KIF5B: variants seen among roughly 807,000 people sequenced by gnomAD.
The protein encoded by KIF5B is kinesin family member 5B.
Under a neutral mutation model 132.8 loss-of-function variants are expected in KIF5B, and 49 were observed. That is an observed-to-expected ratio of 0.37 (90% confidence interval 0.29 to 0.47). The LOEUF is 0.47. Ranked by LOEUF, KIF5B falls within the 20% of genes least tolerant of loss-of-function variation. The pLI, the probability that KIF5B is intolerant of heterozygous loss-of-function variation, is 1.00. For synonymous variants in KIF5B, 355 were observed against 369.4 expected, an observed-to-expected ratio of 0.96 and a Z score of 0.45; for missense variants, 780 against 1,144.0, an observed-to-expected ratio of 0.68 and a Z score of 4.59.
In KIF5B at chr10:32,056,318, C is replaced by T. The variant is rs1841763910; in HGVS notation, c.-345G>A. ...TTCTGGGGACCGGGAGAGTGGCCAC[C>T]TTCTTCCTCCTCGCGAAGAGCAGGC... is the stretch of plus-strand genomic sequence containing the variant. On this transcript the variant is annotated 5_prime_UTR_variant, in exon 1 of 26. Coordinates refer to ENST00000302418, the MANE Select transcript of KIF5B (RefSeq NM_004521.3). 7.1e-6 allele frequency: 2 copies of T among 282,832 alleles called. No homozygotes were observed. The highest frequency in any genetic ancestry group is 5.8e-5 in the Admixed American group (1 of 17,380). The allele number at this position is 282,832 out of a possible 1,614,324, so 17.5% of individuals were successfully genotyped here. A position where few individuals can be genotyped will look rare whatever the true frequency, so the allele number is the denominator to read the frequency against.
intron 15 of KIF5B, among the ~76,000 whole-genome samples, chr10:32,028,030 T>A (rs1054527759): frequency 6.6e-6 from 1 of 152,088 alleles, no homozygotes; most frequent in Admixed American, 6.5e-5. Flanking sequence ...TGGAGTGCAG[T>A]TGCACGATTG....
At chr10:32,022,810 G>A in intron 16 of KIF5B, 38 bp downstream of exon 16, 2 of 1,401,432 alleles carry the variant, frequency 1.4e-6, no homozygotes, top group South Asian at 1.5e-5. Flanking sequence ...CTATGTGGCT[G>A]TTTCAAAAAA....
chr10:32,052,538 T>A (rs998193434), intron 1 of KIF5B, among the ~76,000 whole-genome samples: 3 of 152,236 alleles, frequency 2.0e-5, no homozygotes, highest in Non-Finnish European at 4.4e-5. Flanking sequence ...CAAATAACCA[T>A]ATTCTACTTT....
chr10:32,026,270 T>TAAAAATACAAAAATAC (rs1415732182), intron 15 of KIF5B, among the ~76,000 whole-genome samples: 1 of 151,572 alleles, frequency 6.6e-6, no homozygotes, highest in Non-Finnish European at 1.5e-5. Flanking sequence ...CCATCTCTAC[T>TAAAAATACAAAAATAC]AAAAATACAA....
chr10:32,011,499 T>C lies in KIF5B; in HGVS notation c.*38A>G, dbSNP rs1018226431. 6.6e-6 allele frequency: 1 copy of C among 152,336 alleles called. No individual in the cohort carries two copies. The highest frequency in any genetic ancestry group is 2.4e-5 in the African/African-American group (1 of 41,466). 9.4% of individuals were successfully genotyped at this position (152,336 alleles called of 1,614,324 possible). ...CTTGATACCATGTCCTCTTCGTACT[T>C]CGATTACTTTTTAACACCTAAAAAT... On this transcript the variant is annotated 3_prime_UTR_variant, in exon 26 of 26. Transcript: ENST00000302418.
chr10:32,054,907 G>T (rs141659289), intron 1 of KIF5B, among the ~76,000 whole-genome samples: 2 of 152,076 alleles, frequency 1.3e-5, no homozygotes, highest in African/African-American at 4.8e-5. Flanking sequence ...CAAAAAAACA[G>T]TATCTCACTA....
chr10:32,024,080 A>C (rs1194730109), intron 15 of KIF5B, among the ~76,000 whole-genome samples: 1 of 147,148 alleles, frequency 6.8e-6, no homozygotes, highest in Non-Finnish European at 1.5e-5. Flanking sequence ...AAAAAAAACA[A>C]GACACAGAGA....
chr10:32,017,566 T>C (rs1412584027), intron 23 of KIF5B, among the ~76,000 whole-genome samples: 3 of 152,230 alleles, frequency 2.0e-5, no homozygotes, highest in Non-Finnish European at 4.4e-5. Flanking sequence ...ATAATTTCCT[T>C]TAATTTTTTA....
At chr10:32,036,810 A>C (rs1390541560) in intron 8 of KIF5B, among the ~76,000 whole-genome samples, 11 of 152,236 alleles carry the variant, frequency 7.2e-5, no homozygotes, top group Non-Finnish European at 5.9e-5. Flanking sequence ...TATAGACTAG[A>C]ATCAGACTGT....
chr10:32,010,967 C>G lies in KIF5B; in HGVS notation c.*570G>C, dbSNP rs1841070058. The G allele has an allele frequency of 6.6e-6, 1 of 151,950 alleles. No individual in the cohort carries two copies. The highest frequency in any genetic ancestry group is 2.4e-5 in the African/African-American group (1 of 41,390). 9.4% of individuals were successfully genotyped at this position (151,950 alleles called of 1,614,324 possible). The stretch of plus-strand genomic sequence containing the variant: ...CAGAAACAATACAAGTAATTTTAAC[C>G]CTGATATCATCATTTCAAGGGATTT... On this transcript the variant is annotated 3_prime_UTR_variant, in exon 26 of 26. Coordinates refer to ENST00000302418, the MANE Select transcript of KIF5B (RefSeq NM_004521.3).
In KIF5B at chr10:32,022,888, T is replaced by C. The variant is rs754054534; in HGVS notation, c.1874A>G (p.Asn625Ser). 1.2e-6 allele frequency: 2 copies of C among 1,613,408 alleles called. No individual in the cohort carries two copies. The highest frequency in any genetic ancestry group is 2.2e-5 in the South Asian group (2 of 90,982). The stretch of plus-strand genomic sequence containing the variant: ...CTGACATGCTGCTAACTCCTTTTCA[T>C]TTTCTTCCATTTTTTTGTTGCTCTC... ...QTESNKKMEE[N>S]EKELAACQLR... The change falls in exon 16 of 26, where the codon AAT becomes AGT. Residue 625 changes from asparagine (N) to serine (S), a missense_variant. Transcript: ENST00000302418.
chr10:32,020,712 A>G (rs933127814), intron 19 of KIF5B, among the ~76,000 whole-genome samples: 2 of 152,180 alleles, frequency 1.3e-5, no homozygotes, highest in Admixed American at 1.3e-4. Flanking sequence ...GCCATCAGCC[A>G]CTGCACCCAG....
intron 1 of KIF5B, among the ~76,000 whole-genome samples, chr10:32,054,084 C>A (rs1841724970): frequency 6.6e-6 from 1 of 152,200 alleles, no homozygotes; most frequent in Non-Finnish European, 1.5e-5. Context: ...GTGATAACTA[C>A]AGATCTGTGT....
At chr10:32,030,967 T>G in intron 14 of KIF5B, 106 bp downstream of exon 14, 2 of 743,178 alleles carry the variant, frequency 2.7e-6, no homozygotes, top group Non-Finnish European at 4.3e-6. Flanking sequence ...TGAAAATTGA[T>G]GTTATCGATA....
rs1841765496 is a variant in KIF5B at position 32,056,389 on chromosome 10, T to A, written c.-416A>T. 2 of 222,130 alleles carry A rather than the reference T, an allele frequency of 9.0e-6. No homozygotes were observed. The highest frequency in any genetic ancestry group is 9.0e-6 in the Non-Finnish European group (1 of 110,700). The allele number at this position is 222,130 out of a possible 1,614,324, so 13.8% of individuals were successfully genotyped here. A position where few individuals can be genotyped will look rare whatever the true frequency, so the allele number is the denominator to read the frequency against. On this transcript the variant is annotated 5_prime_UTR_variant, in exon 1 of 26. Coordinates refer to ENST00000302418, the MANE Select transcript of KIF5B (RefSeq NM_004521.3). ...CTCTGCCGTCCGCTGGCCGGCCGACTGCTGCCCGATCACTCCTGAGGCCGC... is the reference window on the plus strand; with the variant it reads ...CTCTGCCGTCCGCTGGCCGGCCGACAGCTGCCCGATCACTCCTGAGGCCGC...
At chr10:32,022,745 A>G (rs1841280988) in intron 16 of KIF5B, 103 bp downstream of exon 16, 1 of 792,176 alleles carries the variant, frequency 1.3e-6, no homozygotes. Context: ...AAAAACAACT[A>G]AATTTCACCT....
chr10:32,018,376 A>C lies in KIF5B; in HGVS notation c.2379T>G (p.Leu793=). The C allele has an allele frequency of 6.5e-7, 1 of 1,535,084 alleles. No homozygotes were observed. ...KGLEETVAKE[L]QTLHNLRKLF... is the part of the protein sequence containing the mutation. Reference sequence around the variant, plus strand: ...GTTTGCGCAGGTTGTGTAAAGTCTGAAGTTCTTTTGCCTTGGATTAAGAAC... The same window carrying C: ...GTTTGCGCAGGTTGTGTAAAGTCTGCAGTTCTTTTGCCTTGGATTAAGAAC... Residue 793 remains leucine (L), a synonymous_variant, in exon 22 of 26, where the codon CTT becomes CTG. Transcript: ENST00000302418.
At chr10:32,041,179 G>A (rs1448837901) in intron 2 of KIF5B, among the ~76,000 whole-genome samples, 1 of 150,616 alleles carries the variant, frequency 6.6e-6, no homozygotes, top group Admixed American at 6.6e-5. Context: ...ATTATTTGTG[G>A]AAAGAGTGGC....
At position 32,039,395 on chromosome 10, in the gene KIF5B, G is replaced by T; in HGVS notation, c.325C>A (p.Pro109Thr). 6.5e-7 allele frequency: 1 copy of T among 1,528,690 alleles called. No homozygotes were observed. Among genetic ancestry groups the T allele is most frequent in the Non-Finnish European group, 8.9e-7 (1 of 1,124,010 alleles). The allele number at this position is 1,528,690 out of a possible 1,614,324, so 94.7% of individuals were successfully genotyped here. A position where few individuals can be genotyped will look rare whatever the true frequency, so the allele number is the denominator to read the frequency against. The change falls in exon 4 of 26, where the codon CCA (proline) becomes ACA (threonine). Residue 109 changes from proline (P) to threonine (T), a missense_variant. Pro to Thr is a conservative substitution (Grantham distance 38). Around this residue, in one of 9 missense-constraint regions of KIF5B, gnomAD observed 76 missense variants for 146.4 expected, o/e 0.52. Transcript: ENST00000302418. Reference protein sequence around the residue: ...LHDPEGMGIIPRIVQDIFNYI... With the variant: ...LHDPEGMGIITRIVQDIFNYI... ...TTAAAAATATCTTGCACTATTCTTGGAATAATTCCCATGCCTTCTGGATCA... is the reference window on the plus strand; with the variant it reads ...TTAAAAATATCTTGCACTATTCTTGTAATAATTCCCATGCCTTCTGGATCA...
Sources: allele counts gnomAD v4.1 joint callset (sites outside exome capture counted in the v4.1 genomes callset), GRCh38; gene constraint gnomAD v4.1.1; regional missense constraint gnomAD v4.1.1; transcripts MANE v1.5; gene names NCBI Gene and HGNC (gene_info 2026-07-23, HGNC 2026-07-21).